Variants in KCTD8 observed in about 807,000 individuals in gnomAD.
The protein encoded by KCTD8 is BTB/POZ domain-containing protein KCTD8.
In KCTD8, 27 loss-of-function variants were observed where a neutral mutation model predicts 31.5. The ratio of observed to expected loss-of-function variants is 0.86; its 90% confidence interval spans 0.63 to 1.18. KCTD8 has a LOEUF of 1.18. Ranked by LOEUF, KCTD8 falls within the 50% of genes most tolerant of loss-of-function variation. The pLI, the probability that KCTD8 is intolerant of heterozygous loss-of-function variation, is 0.00. For missense variants in KCTD8, 658 were observed against 647.7 expected, an observed-to-expected ratio of 1.02 and a Z score of -0.17; for synonymous variants, 290 against 280.0, an observed-to-expected ratio of 1.04 and a Z score of -0.36.
At chr4:44,427,799 G>T (rs1261367870) in intron 1 of KCTD8, among the ~76,000 whole-genome samples, 1 of 151,788 alleles carries the variant, frequency 6.6e-6, no homozygotes, top group East Asian at 1.9e-4. Context: ...AAAGTGATGA[G>T]TAATGTCACA....
intron 1 of KCTD8, among the ~76,000 whole-genome samples, chr4:44,419,253 C>T (rs1162108764): frequency 6.6e-6 from 1 of 152,162 alleles, no homozygotes; most frequent in African/African-American, 2.4e-5. Flanking sequence ...ATTCTGGCAT[C>T]ATCAATATGT....
chr4:44,345,134 T>C (rs562613167), intron 1 of KCTD8, among the ~76,000 whole-genome samples: 2 of 152,312 alleles, frequency 1.3e-5, no homozygotes, highest in Middle Eastern at 3.4e-3. Context: ...ACTTATTTTG[T>C]TCATTTATAG....
intron 1 of KCTD8, among the ~76,000 whole-genome samples, chr4:44,193,840 C>G (rs1261840603): frequency 2.9e-4 from 44 of 151,966 alleles, no homozygotes; most frequent in Admixed American, 2.8e-3. Flanking sequence ...TCTGTGAATT[C>G]AGACCAATAA....
chr4:44,446,996 C>CT (rs1373019916), intron 1 of KCTD8, among the ~76,000 whole-genome samples: 1 of 152,202 alleles, frequency 6.6e-6, no homozygotes, highest in Admixed American at 6.5e-5. Flanking sequence ...TCGAGGGGCT[C>CT]TGGGGGCACC....
At chr4:44,235,799 C>A (rs1344479435) in intron 1 of KCTD8, among the ~76,000 whole-genome samples, 2 of 151,720 alleles carry the variant, frequency 1.3e-5, no homozygotes, top group African/African-American at 2.4e-5. Flanking sequence ...AATCTTCCCC[C>A]AAACATACTA....
At chr4:44,403,308 A>G (rs1439506461) in intron 1 of KCTD8, among the ~76,000 whole-genome samples, 1 of 152,094 alleles carries the variant, frequency 6.6e-6, no homozygotes, top group East Asian at 1.9e-4. Context: ...TAATAAAAAA[A>G]TATATTTCAA....
intron 1 of KCTD8, among the ~76,000 whole-genome samples, chr4:44,416,414 T>G (rs1233159262): frequency 6.6e-6 from 1 of 152,194 alleles, no homozygotes; most frequent in Non-Finnish European, 1.5e-5. Flanking sequence ...GAGAAGGGTA[T>G]GAGTTTTGGG....
chr4:44,440,805 T>G (rs1418565917), intron 1 of KCTD8, among the ~76,000 whole-genome samples: 1 of 152,144 alleles, frequency 6.6e-6, no homozygotes, highest in Non-Finnish European at 1.5e-5. Context: ...GGAAACACAA[T>G]GAGGGACCTA....
At chr4:44,332,643 A>C (rs1345861418) in intron 1 of KCTD8, among the ~76,000 whole-genome samples, 1 of 152,004 alleles carries the variant, frequency 6.6e-6, no homozygotes, top group African/African-American at 2.4e-5. Flanking sequence ...GTAATACAGT[A>C]GGCAAGAAAA....
chr4:44,303,564 C>T (rs1466316582), intron 1 of KCTD8, among the ~76,000 whole-genome samples: 1 of 151,926 alleles, frequency 6.6e-6, no homozygotes, highest in African/African-American at 2.4e-5. Context: ...TCCTGTAATC[C>T]CAGTACTTTG....
chr4:44,227,126 C>G (rs1714986879), intron 1 of KCTD8, among the ~76,000 whole-genome samples: 1 of 152,140 alleles, frequency 6.6e-6, no homozygotes, highest in Non-Finnish European at 1.5e-5. Context: ...TGCCTATGTG[C>G]TGAATGGTAT....
chr4:44,369,774 T>C (rs901440498), intron 1 of KCTD8, among the ~76,000 whole-genome samples: 4 of 151,742 alleles, frequency 2.6e-5, no homozygotes, highest in African/African-American at 9.7e-5. Flanking sequence ...CCCGCAAGCC[T>C]GGGCAACGGA....
chr4:44,383,730 C>T (rs1162020817), intron 1 of KCTD8, among the ~76,000 whole-genome samples: 1 of 151,716 alleles, frequency 6.6e-6, no homozygotes, highest in African/African-American at 2.4e-5. Flanking sequence ...AAAAAACACA[C>T]ACACACAAAG....
intron 1 of KCTD8, among the ~76,000 whole-genome samples, chr4:44,289,229 A>G (rs1458998142): frequency 2.6e-5 from 4 of 151,262 alleles, no homozygotes; most frequent in African/African-American, 4.8e-5. Context: ...ATAACATTAC[A>G]TATTATTAAA....
chr4:44,335,993 A>T (rs894511205), intron 1 of KCTD8, among the ~76,000 whole-genome samples: 8 of 150,678 alleles, frequency 5.3e-5, no homozygotes, highest in African/African-American at 1.5e-4. Flanking sequence ...TACTAAAAAT[A>T]CAAAAAATTA....
chr4:44,225,035 T>C (rs1714916003), intron 1 of KCTD8, among the ~76,000 whole-genome samples: 1 of 152,162 alleles, frequency 6.6e-6, no homozygotes, highest in African/African-American at 2.4e-5. Context: ...TGTATAAGCA[T>C]CTACTCCCCA....
chr4:44,244,560 C>T (rs185390434), intron 1 of KCTD8, among the ~76,000 whole-genome samples: 1 of 152,210 alleles, frequency 6.6e-6, no homozygotes, highest in East Asian at 1.9e-4. Flanking sequence ...GGCTCTTTTC[C>T]CCAAAGTCAG....
chr4:44,175,286 C>A, intron 1 of KCTD8, 36 bp from the exon 2 acceptor site: 1 of 1,258,762 alleles, frequency 7.9e-7, no homozygotes. Flanking sequence ...AAGAGTAGAA[C>A]AGTTGAATAA....
At chr4:44,298,321 A>T (rs2109390144) in intron 1 of KCTD8, among the ~76,000 whole-genome samples, 1 of 152,220 alleles carries the variant, frequency 6.6e-6, no homozygotes, top group South Asian at 2.1e-4. Flanking sequence ...AGTTACATAT[A>T]CCACTTGAAA....
Sources: allele counts gnomAD v4.1 joint callset (sites outside exome capture counted in the v4.1 genomes callset), GRCh38; gene constraint gnomAD v4.1.1; transcripts MANE v1.5; gene names NCBI Gene and HGNC (gene_info 2026-07-23, HGNC 2026-07-21).